The following PARP1 variants were observed in gnomAD, a reference collection of about 807,000 sequenced individuals.
PARP1 encodes the protein poly(ADP-ribose) polymerase 1, also known as poly [ADP-ribose] polymerase 1.
A neutral mutation model predicts 118.7 loss-of-function variants in PARP1; 44 were observed. The ratio of observed to expected loss-of-function variants is 0.37; its 90% CI spans 0.29 to 0.48. PARP1 has a LOEUF of 0.48. PARP1 is among the 20% of genes least tolerant of loss of function. The pLI is 0.99. For synonymous variants in PARP1, 492 were observed against 483.2 expected, an observed-to-expected ratio of 1.02 and a Z score of -0.24; for missense variants, 1,100 against 1,272.4, an observed-to-expected ratio of 0.86 and a Z score of 2.06.
intron 2 of PARP1, among the ~76,000 whole-genome samples, chr1:226,398,861 A>G (rs1275166423): frequency 6.6e-6 from 1 of 152,178 alleles, no homozygotes; most frequent in Non-Finnish European, 1.5e-5. Flanking sequence ...GTACTCCTTG[A>G]TTACCCAAAG....
chr1:226,373,749 C>G (rs1176298899), intron 14 of PARP1, among the ~76,000 whole-genome samples: 1 of 152,138 alleles, frequency 6.6e-6, no homozygotes, highest in Non-Finnish European at 1.5e-5. Context: ...CATGGTAACT[C>G]CAGTTGGTTG....
chr1:226,391,004 T>C (rs975407157), intron 3 of PARP1, among the ~76,000 whole-genome samples: 2 of 148,388 alleles, frequency 1.3e-5, no homozygotes, highest in African/African-American at 4.9e-5. Flanking sequence ...GCAGCACTTT[T>C]TTTTTTTTTT....
intron 19 of PARP1, 34 bp from the exon 20 acceptor site, chr1:226,364,104 T>G (rs1260274146): frequency 1.9e-6 from 3 of 1,611,884 alleles, no homozygotes. Context: ...CTGAGAATCT[T>G]CTGATGGGAA....
intron 1 of PARP1, among the ~76,000 whole-genome samples, chr1:226,406,576 G>C (rs935838353): frequency 6.6e-6 from 1 of 152,170 alleles, no homozygotes; most frequent in Non-Finnish European, 1.5e-5. Context: ...TCCATCAGGT[G>C]GCATCCATCC....
At chr1:226,372,037 C>G (rs1664393854) in intron 14 of PARP1, among the ~76,000 whole-genome samples, 1 of 152,206 alleles carries the variant, frequency 6.6e-6, no homozygotes, top group African/African-American at 2.4e-5. Context: ...CCCACGAGCC[C>G]CAGCTGCAGC....
At chr1:226,394,424 T>C (rs554028133) in intron 2 of PARP1, among the ~76,000 whole-genome samples, 1 of 152,338 alleles carries the variant, frequency 6.6e-6, no homozygotes, top group African/African-American at 2.4e-5. Context: ...ACTGCTGGTA[T>C]AGTATGTGCA....
intron 1 of PARP1, among the ~76,000 whole-genome samples, chr1:226,405,169 T>C (rs1665120021): frequency 6.6e-6 from 1 of 152,250 alleles, no homozygotes; most frequent in African/African-American, 2.4e-5. Flanking sequence ...AGACCAACTT[T>C]AAATTCTGAA....
At chr1:226,384,147 G>A (rs1664673095) in intron 7 of PARP1, among the ~76,000 whole-genome samples, 2 of 152,236 alleles carry the variant, frequency 1.3e-5, no homozygotes, top group African/African-American at 4.8e-5. Context: ...TGAAAACACA[G>A]GGGACTGCCT....
At chr1:226,366,148 C>T in intron 17 of PARP1, 96 bp from the exon 18 acceptor site, 1 of 831,620 alleles carries the variant, frequency 1.2e-6, no homozygotes, top group Non-Finnish European at 2.1e-6. Context: ...CTCAACACCA[C>T]ACTCCTCAAA....
intron 1 of PARP1, among the ~76,000 whole-genome samples, chr1:226,403,223 G>C (rs1665072209): frequency 6.6e-6 from 1 of 152,222 alleles, no homozygotes; most frequent in Non-Finnish European, 1.5e-5. Flanking sequence ...ACCGAGTCTT[G>C]CACTGAGTGC....
chr1:226,392,807 G>T (rs1311776444), intron 2 of PARP1: 2 of 815,052 alleles, frequency 2.5e-6, no homozygotes, highest in Non-Finnish European at 3.7e-6. Flanking sequence ...AGTGGGAAAA[G>T]GTTGAATTAT....
Position 226,373,896 on chromosome 1 carries a change from T to C in PARP1, c.2070+330A>G, listed in dbSNP as rs756945373. ...ATTTGGGGAGACTGAGGTGGGTGGATCACTTGAGCTCAGCAGTTGGAGACC... is the reference window on the plus strand; with the variant it reads ...ATTTGGGGAGACTGAGGTGGGTGGACCACTTGAGCTCAGCAGTTGGAGACC... On this transcript the variant is annotated intron_variant, in intron 14 of 22. Coordinates refer to ENST00000366794, the MANE Select transcript of PARP1 (RefSeq NM_001618.4). Among the ~76,000 whole-genome samples the C allele has an allele frequency of 3.4e-4, 51 of 152,162 alleles. 1 individual carries two copies. Among genetic ancestry groups the C allele is most frequent in the South Asian group, 8.3e-4 (4 of 4,826 alleles).
At chr1:226,386,255 T>C (rs934176742) in intron 6 of PARP1, 71 bp downstream of exon 6, 51 of 900,788 alleles carry the variant, frequency 5.7e-5, no homozygotes, top group East Asian at 7.2e-5. Context: ...CCACACTCCA[T>C]TGGGACAGTC....
At chr1:226,404,059 C>T (rs1333554242) in intron 1 of PARP1, among the ~76,000 whole-genome samples, 1 of 152,216 alleles carries the variant, frequency 6.6e-6, no homozygotes, top group Non-Finnish European at 1.5e-5. Context: ...TGCTCTCCAG[C>T]CCTGTTCAGA....
intron 2 of PARP1, among the ~76,000 whole-genome samples, chr1:226,396,344 T>G (rs1664916738): frequency 6.7e-6 from 1 of 148,750 alleles, no homozygotes; most frequent in Non-Finnish European, 1.5e-5. Flanking sequence ...AGACCCTGTC[T>G]CAAAAAAATT....
Position 226,377,153 on chromosome 1 carries a change from C to T in PARP1, c.1896G>A (p.Thr632=), listed in dbSNP as rs200966933. The T allele has an allele frequency of 1.1e-5, 17 of 1,614,048 alleles. No individual in the cohort carries two copies. In the African/African-American group the frequency reaches 1.2e-4, roughly 11 times the overall value. ...TGNAWHSKNF[T]KYPKKFYPLE... ...GGGGGTAGAACTTTTTGGGATACTT[C>T]GTGAAATTTTTGGAGTGCCAAGCGT... Residue 632 remains threonine (T), a synonymous_variant, in exon 13 of 23, where the codon ACG becomes ACA. Transcript: ENST00000366794.
chr1:226,401,994 C>T, intron 2 of PARP1: 1 of 1,472,272 alleles, frequency 6.8e-7, no homozygotes, highest in Non-Finnish European at 9.0e-7. Flanking sequence ...ACTTTAAAGG[C>T]TACATTCCAA....
At chr1:226,379,015 C>T in intron 12 of PARP1, 127 bp downstream of exon 12, 1 of 1,146,146 alleles carries the variant, frequency 8.7e-7, no homozygotes, top group Non-Finnish European at 1.3e-6. Context: ...TGTTTTTGAT[C>T]TCTGTGATTA....
At chr1:226,379,452 T>A in intron 11 of PARP1, 121 bp downstream of exon 11, 1 of 1,139,956 alleles carries the variant, frequency 8.8e-7, no homozygotes, top group Non-Finnish European at 1.3e-6. Flanking sequence ...GAGGCCTGAG[T>A]GAGGACAAAG....
Sources: allele counts gnomAD v4.1 joint callset (sites outside exome capture counted in the v4.1 genomes callset), GRCh38; gene constraint gnomAD v4.1.1; transcripts MANE v1.5; gene names NCBI Gene and HGNC (gene_info 2026-07-23, HGNC 2026-07-21).